Variants in TAF4B observed in about 807,000 individuals in gnomAD.
The protein encoded by TAF4B is transcription initiation factor TFIID subunit 4B.
Under a neutral mutation model 86.4 loss-of-function variants are expected in TAF4B, and 38 were observed. The observed-to-expected ratio is 0.44, with a 90% CI of 0.34 to 0.58. The LOEUF (loss-of-function observed/expected upper bound fraction) is 0.58, where lower values mean the gene tolerates loss of function less well. TAF4B is among the 20% of genes least tolerant of loss of function. The pLI is 0.02. For synonymous variants in TAF4B, 388 were observed against 391.2 expected (o/e 0.99, Z 0.10); for missense variants, 988 against 1,027.6 (o/e 0.96, Z 0.53).
At chr18:26,363,381 A>G (rs976728687) in intron 14 of TAF4B, among the ~76,000 whole-genome samples, 1 of 147,902 alleles carries the variant, frequency 6.8e-6, no homozygotes, top group Non-Finnish European at 1.5e-5. Flanking sequence ...AAAAAAAAAA[A>G]AAAAAAAAAA....
chr18:26,242,331 A>G (rs1008751218), intron 1 of TAF4B, among the ~76,000 whole-genome samples: 2 of 152,154 alleles, frequency 1.3e-5, no homozygotes, highest in African/African-American at 4.8e-5. Context: ...TACCTTTACC[A>G]TTATGTAATG....
intron 9 of TAF4B, among the ~76,000 whole-genome samples, chr18:26,308,438 C>T (rs925038027): frequency 5.3e-5 from 8 of 152,062 alleles, no homozygotes; most frequent in Non-Finnish European, 1.0e-4. Context: ...GAGGTAGGTA[C>T]ACCATGAAGT....
intron 13 of TAF4B, among the ~76,000 whole-genome samples, chr18:26,357,368 C>G (rs1246736263): frequency 1.3e-5 from 2 of 152,178 alleles, no homozygotes; most frequent in African/African-American, 2.4e-5. Context: ...ACCAATCTCT[C>G]TCTGACTTAC....
At chr18:26,312,237 C>G (rs1412610491) in intron 9 of TAF4B, among the ~76,000 whole-genome samples, 1 of 152,232 alleles carries the variant, frequency 6.6e-6, no homozygotes, top group Non-Finnish European at 1.5e-5. Flanking sequence ...CTCTAAACAT[C>G]AAAGCCTTTG....
At position 26,286,165 on chromosome 18, in the gene TAF4B, C is replaced by T; in HGVS notation, c.1256C>T (p.Ala419Val). The T allele has an allele frequency of 6.2e-7, 1 of 1,614,190 alleles. No homozygotes were observed. Among genetic ancestry groups the T allele is most frequent in the African/African-American group, 1.3e-5 (1 of 75,058 alleles). Reference protein sequence around the residue: ...VVTLHSVGPTAATGGTTAGTG... With the variant: ...VVTLHSVGPTVATGGTTAGTG... ...ACACTTCATTCTGTGGGCCCAACTG[C>T]TGCAACAGGAGGAACAACAGCTGGA... Residue 419 changes from alanine to valine, a missense_variant, in exon 7 of 15, where the codon GCT becomes GTT. By Grantham distance (64) the Ala-to-Val change is moderately conservative. Coordinates refer to ENST00000269142, the MANE Select transcript of TAF4B (RefSeq NM_005640.3).
chr18:26,275,146 A>T (rs1305361611), intron 5 of TAF4B, 93 bp downstream of exon 5: 9 of 1,245,180 alleles, frequency 7.2e-6, no homozygotes, highest in African/African-American at 1.5e-5. Flanking sequence ...GATTTATTTA[A>T]TTTATTTATT....
At chr18:26,311,115 A>T (rs1355362304) in intron 9 of TAF4B, among the ~76,000 whole-genome samples, 1 of 152,198 alleles carries the variant, frequency 6.6e-6, no homozygotes. Flanking sequence ...GGTGATGAAG[A>T]TGATTAATAT....
chr18:26,285,222 GTT>G (rs776976703), intron 6 of TAF4B, among the ~76,000 whole-genome samples: 9 of 45,692 alleles, frequency 2.0e-4, no homozygotes, highest in Non-Finnish European at 3.1e-4. Flanking sequence ...TTTTTTTTTT[GTT>G]TTTTTTTTTT....
intron 13 of TAF4B, among the ~76,000 whole-genome samples, chr18:26,340,799 A>G (rs1159056883): frequency 6.6e-6 from 1 of 152,148 alleles, no homozygotes; most frequent in Admixed American, 6.5e-5. Context: ...CCCACTAACT[A>G]AATGGTCAAA....
At chr18:26,349,554 A>C (rs913769672) in intron 13 of TAF4B, among the ~76,000 whole-genome samples, 3 of 152,212 alleles carry the variant, frequency 2.0e-5, no homozygotes, top group Admixed American at 6.5e-5. Context: ...AAACTGAAGA[A>C]GATACAAGCA....
chr18:26,255,598 G>C (rs187982359), intron 1 of TAF4B: 5,563 of 398,956 alleles, frequency 0.014, 55 homozygotes, highest in Middle Eastern at 0.028. Context: ...GCAAAACTCT[G>C]TCTCCAAAAA....
Position 26,226,663 on chromosome 18 carries a change from G to C in TAF4B, c.-271G>C. 2 of 342,874 alleles carry C rather than the reference G, an allele frequency of 5.8e-6. No homozygotes were observed. Among genetic ancestry groups the C allele is most frequent in the Non-Finnish European group, 1.0e-5 (2 of 191,520 alleles). The allele number at this position is 342,874 out of a possible 1,614,324, so 21.2% of individuals were successfully genotyped here. A position where few individuals can be genotyped will look rare whatever the true frequency, so the allele number is the denominator to read the frequency against. ...GAGGCGCAGGGCTGAGGCAGCGCACGTGTGAGCGCCGCTGAGGAAGCTGCG... is the reference window on the plus strand; with the variant it reads ...GAGGCGCAGGGCTGAGGCAGCGCACCTGTGAGCGCCGCTGAGGAAGCTGCG... On this transcript the variant is annotated 5_prime_UTR_variant, in exon 1 of 15. Coordinates refer to ENST00000269142, the MANE Select transcript of TAF4B (RefSeq NM_005640.3).
intron 3 of TAF4B, among the ~76,000 whole-genome samples, chr18:26,270,600 A>C (rs1377717228): frequency 3.3e-5 from 5 of 152,218 alleles, no homozygotes; most frequent in Admixed American, 1.3e-4. Context: ...TATAGGCATC[A>C]GCCATTGCAC....
intron 14 of TAF4B, among the ~76,000 whole-genome samples, chr18:26,380,346 G>A (rs2057469994): frequency 1.3e-5 from 2 of 152,084 alleles, no homozygotes; most frequent in South Asian, 4.1e-4. Flanking sequence ...TAGATATGTT[G>A]TGTTTTTATT....
At chr18:26,350,153 A>G (rs2057233208) in intron 13 of TAF4B, among the ~76,000 whole-genome samples, 1 of 152,346 alleles carries the variant, frequency 6.6e-6, no homozygotes, top group African/African-American at 2.4e-5. Context: ...TGTCAGGAAA[A>G]TATTTTATGA....
rs2057137645 is a variant in TAF4B, at chr18:26,341,671, TATC to T, written c.2316+6443_2316+6445del. Among the ~76,000 whole-genome samples the T allele has an allele frequency of 3.3e-5, 5 of 152,182 alleles. No homozygotes were observed. The South Asian group carries it at 1.0e-3, about 32-fold the overall frequency. The stretch of plus-strand genomic sequence containing the variant: ...TCAGATGTTCTGGACAGTGTCCTGG[TATC>T]ATAATAACCAGCCTTAGTGGTTGGG... On this transcript the variant is annotated intron_variant, in intron 13 of 14. Transcript: ENST00000269142.
intron 14 of TAF4B, among the ~76,000 whole-genome samples, chr18:26,380,916 T>C (rs1174730138): frequency 2.0e-5 from 3 of 152,156 alleles, no homozygotes; most frequent in African/African-American, 7.2e-5. Flanking sequence ...ATTTTCCCAG[T>C]TTTTTTCTCC....
intron 1 of TAF4B, among the ~76,000 whole-genome samples, chr18:26,254,361 A>G (rs1157314275): frequency 6.6e-6 from 1 of 151,458 alleles, no homozygotes; most frequent in African/African-American, 2.4e-5. Flanking sequence ...TTTCTCTTTT[A>G]GTAAATTTTA....
At chr18:26,318,748 A>G (rs937184611) in intron 10 of TAF4B, among the ~76,000 whole-genome samples, 1 of 152,212 alleles carries the variant, frequency 6.6e-6, no homozygotes, top group African/African-American at 2.4e-5. Flanking sequence ...GTATTTTATT[A>G]CCAATTTAGT....
Sources: gnomAD v4.1 joint callset for allele counts (sites outside exome capture counted in the v4.1 genomes callset) on GRCh38, gnomAD v4.1.1 for gene constraint, MANE v1.5 for transcripts, NCBI Gene and HGNC (gene_info 2026-07-23, HGNC 2026-07-21) for gene names.